The following NTN1 variants were observed in gnomAD, a reference collection of about 807,000 sequenced individuals.
NTN1 encodes the protein netrin-1.
Under a neutral mutation model 54.2 loss-of-function variants are expected in NTN1, and 11 were observed. The observed-to-expected ratio is 0.20, with a 90% CI of 0.13 to 0.34. The LOEUF (loss-of-function observed/expected upper bound fraction) is 0.34. Among genes scored for constraint, NTN1 ranks in the 10% least tolerant of loss-of-function variants. NTN1 has a pLI of 1.00. For missense variants in NTN1, 740 were observed against 893.1 expected, an observed-to-expected ratio of 0.83 and a Z score of 2.18; for synonymous variants, 371 against 382.0, an observed-to-expected ratio of 0.97 and a Z score of 0.33.
intron 2 of NTN1, among the ~76,000 whole-genome samples, chr17:9,138,685 G>T (rs2092288693): frequency 2.0e-5 from 3 of 152,218 alleles, no homozygotes; most frequent in Admixed American, 2.0e-4. Context: ...GCAGACAGGG[G>T]AGTCAAAGAC....
chr17:9,215,935 A>C (rs1265660934), intron 5 of NTN1, among the ~76,000 whole-genome samples: 1 of 152,168 alleles, frequency 6.6e-6, no homozygotes, highest in African/African-American at 2.4e-5. Flanking sequence ...CTACAGTATC[A>C]TGAATCTTTG....
At chr17:9,205,014 CTCT>C (rs1567738274) in intron 5 of NTN1, among the ~76,000 whole-genome samples, 1 of 150,948 alleles carries the variant, frequency 6.6e-6, no homozygotes. Context: ...TCTTTTCTTT[CTCT>C]TCTTCCCTGC....
At chr17:9,099,231 C>T (rs555598375) in intron 2 of NTN1, among the ~76,000 whole-genome samples, 96 of 152,304 alleles carry the variant, frequency 6.3e-4, no homozygotes, top group African/African-American at 2.2e-3. Context: ...TGTTGAAACC[C>T]TGTCTCTACT....
At chr17:9,069,479 T>C (rs970320826) in intron 2 of NTN1, among the ~76,000 whole-genome samples, 3 of 152,216 alleles carry the variant, frequency 2.0e-5, no homozygotes, top group African/African-American at 7.2e-5. Context: ...ATAAACTATT[T>C]TGGTTTGACT....
chr17:9,033,173 C>T (rs966951524), intron 2 of NTN1, among the ~76,000 whole-genome samples: 2 of 151,950 alleles, frequency 1.3e-5, no homozygotes, highest in Admixed American at 6.6e-5. Flanking sequence ...AGGCTCGTCT[C>T]GAACTCCTGA....
At chr17:9,233,578 G>GGGGA (rs1004113612) in intron 6 of NTN1, among the ~76,000 whole-genome samples, 1 of 152,022 alleles carries the variant, frequency 6.6e-6, no homozygotes, top group African/African-American at 2.4e-5. Flanking sequence ...GACTGGAACT[G>GGGGA]GGGAGGGAGG....
chr17:9,174,093 T>G (rs2092394107), intron 3 of NTN1: 1 of 152,338 alleles, frequency 6.6e-6, no homozygotes, highest in Admixed American at 6.5e-5. Context: ...CCTCTGCCAG[T>G]GCCCTTTTGA....
intron 2 of NTN1, among the ~76,000 whole-genome samples, chr17:9,031,934 C>T (rs1262753786): frequency 6.6e-6 from 1 of 151,768 alleles, no homozygotes. Flanking sequence ...GCACTCCAGC[C>T]TGGGTGATAG....
intron 2 of NTN1, among the ~76,000 whole-genome samples, chr17:9,154,299 G>A (rs1022309488): frequency 6.6e-6 from 1 of 152,260 alleles, no homozygotes; most frequent in Non-Finnish European, 1.5e-5. Context: ...CACCTTGCAT[G>A]GTGCCCAGAA....
intron 2 of NTN1, among the ~76,000 whole-genome samples, chr17:9,114,143 C>CAAAA (rs1491305006): frequency 4.9e-5 from 3 of 61,090 alleles, no homozygotes; most frequent in African/African-American, 6.2e-5. Flanking sequence ...GCCTGGGTGC[C>CAAAA]AAAAAAAAAG....
intron 2 of NTN1, among the ~76,000 whole-genome samples, chr17:9,156,873 C>G (rs913818621): frequency 4.6e-5 from 7 of 152,148 alleles, no homozygotes; most frequent in Admixed American, 4.6e-4. Context: ...TATACATACC[C>G]GCTTGCCTGT....
intron 5 of NTN1, among the ~76,000 whole-genome samples, chr17:9,218,223 G>GT (rs1905254780): frequency 6.6e-6 from 1 of 152,224 alleles, no homozygotes; most frequent in Admixed American, 6.5e-5. Context: ...GGAGCAGGAG[G>GT]TTAAGAGCAG....
chr17:9,038,411 T>C (rs924923178), intron 2 of NTN1, among the ~76,000 whole-genome samples: 2 of 152,186 alleles, frequency 1.3e-5, no homozygotes, highest in African/African-American at 4.8e-5. Flanking sequence ...TTCCTTTCTA[T>C]CACTTGTTGG....
chr17:9,083,238 A>G (rs779456375), intron 2 of NTN1, among the ~76,000 whole-genome samples: 15 of 152,186 alleles, frequency 9.9e-5, no homozygotes, highest in Admixed American at 6.5e-4. Context: ...AGCTGGGATT[A>G]CAGGCATGCG....
intron 2 of NTN1, among the ~76,000 whole-genome samples, chr17:9,073,922 G>A (rs1310658677): frequency 6.6e-6 from 1 of 152,304 alleles, no homozygotes; most frequent in South Asian, 2.1e-4. Context: ...GTTTCCTACC[G>A]TTTTTCATTC....
intron 2 of NTN1, among the ~76,000 whole-genome samples, chr17:9,082,563 G>A (rs1314354279): frequency 2.0e-5 from 3 of 152,166 alleles, no homozygotes; most frequent in African/African-American, 2.4e-5. Context: ...GGGCAGCTGC[G>A]CTCAGGCATG....
At chr17:9,122,281 G>A (rs1384551672) in intron 2 of NTN1, among the ~76,000 whole-genome samples, 7 of 152,076 alleles carry the variant, frequency 4.6e-5, no homozygotes, top group Non-Finnish European at 7.4e-5. Context: ...TGATCCGCCC[G>A]CCTCGGCCTC....
the NTN1 span, among the ~76,000 whole-genome samples, chr17:9,015,728 C>T: frequency 1.3e-5 from 2 of 152,078 alleles, no homozygotes; most frequent in African/African-American, 4.8e-5. Context: ...TGTTGTCCTC[C>T]TCCATTCCCA....
chr17:9,235,801 C>T (rs1228702692), intron 6 of NTN1, among the ~76,000 whole-genome samples: 1 of 149,790 alleles, frequency 6.7e-6, no homozygotes, highest in East Asian at 2.0e-4. Context: ...GTCACCCAGG[C>T]TGGAGTGCAG....
Sources: gnomAD v4.1 joint callset for allele counts (sites outside exome capture counted in the v4.1 genomes callset) on GRCh38, gnomAD v4.1.1 for gene constraint, MANE v1.5 for transcripts, NCBI Gene and HGNC (gene_info 2026-07-23, HGNC 2026-07-21) for gene names.